Variants in MMP1 observed in about 807,000 individuals in gnomAD.
MMP1 encodes interstitial collagenase.
Under a neutral mutation model 49.6 loss-of-function variants are expected in MMP1, and 51 were observed. The observed-to-expected ratio is 1.03, with a 90% CI of 0.82 to 1.30. The LOEUF (loss-of-function observed/expected upper bound fraction) is 1.30. MMP1 is among the 50% of genes most tolerant of loss of function. MMP1 has a pLI of 0.00. For synonymous variants in MMP1, 230 were observed against 196.8 expected (o/e 1.17, Z -1.41); for missense variants, 623 against 568.7 (o/e 1.10, Z -0.97).
intron 6 of MMP1, 97 bp downstream of exon 6, chr11:102,795,077 C>T: frequency 2.0e-6 from 2 of 985,962 alleles, no homozygotes; most frequent in East Asian, 2.4e-5. Flanking sequence ...TGTAAATCAG[C>T]ATGAAATAAG....
chr11:102,793,060 A>T (rs1858079318), intron 6 of MMP1: 1 of 168,700 alleles, frequency 5.9e-6, no homozygotes, highest in Admixed American at 6.3e-5. Context: ...TATTATTTTT[A>T]TTACCTTTTA....
intron 7 of MMP1, 35 bp from the exon 8 acceptor site, chr11:102,791,530 T>A: frequency 6.2e-7 from 1 of 1,608,230 alleles, no homozygotes; most frequent in Non-Finnish European, 8.5e-7. Flanking sequence ...AACACTTGCC[T>A]AAGACTTCAA....
chr11:102,796,784 G>A lies in MMP1; in HGVS notation c.505C>T (p.Arg169Trp), dbSNP rs200717412. The change falls in exon 4 of 10, where the codon CGG becomes TGG. Residue 169 changes from arginine to tryptophan, a missense_variant. Arg to Trp is a moderately radical substitution (Grantham distance 101). Transcript: ENST00000315274. ...IMISFVRGDH[R>W]DNSPFDGPGG... ...GGTCCATCAAAAGGAGAGTTGTCCCGATGATCTGAAAGAAACAATTCAACA... is the reference window on the plus strand; with the variant it reads ...GGTCCATCAAAAGGAGAGTTGTCCCAATGATCTGAAAGAAACAATTCAACA... 5.0e-5 allele frequency: 81 copies of A among 1,612,544 alleles called. No homozygotes were observed. The highest frequency in any genetic ancestry group is 9.9e-5 in the South Asian group (9 of 90,552).
In MMP1 at chr11:102,794,007, T is replaced by C. The variant is rs1181756123; in HGVS notation, c.899+1167A>G. Among the ~76,000 whole-genome samples, 2 of 152,236 alleles carry C rather than the reference T, an allele frequency of 1.3e-5. No homozygotes were observed. The highest frequency in any genetic ancestry group is 1.5e-5 in the Non-Finnish European group (1 of 68,046). ...CCTCGACATGGCGACATTTAAATGA[T>C]CTCTGTGTCCTTTCAATTCTGGCAA... is the stretch of plus-strand genomic sequence containing the variant. On this transcript the variant is annotated intron_variant, in intron 6 of 9. Coordinates refer to ENST00000315274, the MANE Select transcript of MMP1 (RefSeq NM_002421.4). This position sits in a 1 kb window ranked among gnomAD's most constrained non-coding sequence, Gnocchi z 4.3.
chr11:102,793,889 G>A (rs1352777691), intron 6 of MMP1, among the ~76,000 whole-genome samples: 2 of 152,174 alleles, frequency 1.3e-5, no homozygotes, highest in Non-Finnish European at 2.9e-5. Context: ...CTTGGCTGTC[G>A]GAAACCTGAC....
In MMP1 at chr11:102,790,784, T is replaced by G. The variant is rs201622381; in HGVS notation, c.1219A>C (p.Met407Leu). ...YWRYDEYKRS[M>L]DPGYPKMIAH... ...ATCATTTTGGGATAACCTGGATCCATAGATCGTTTATATTCATCATACCTG... is the reference window on the plus strand; with the variant it reads ...ATCATTTTGGGATAACCTGGATCCAGAGATCGTTTATATTCATCATACCTG... The change falls in exon 9 of 10, where the codon ATG becomes CTG. Residue 407 changes from methionine to leucine, a missense_variant. By Grantham distance (15) the Met-to-Leu change is conservative. Coordinates refer to ENST00000315274, the MANE Select transcript of MMP1 (RefSeq NM_002421.4). 1.9e-6 allele frequency: 3 copies of G among 1,611,094 alleles called. No individual in the cohort carries two copies. In the South Asian group the frequency reaches 3.3e-5, roughly 18 times the overall value.
At position 102,795,469 on chromosome 11, in the gene MMP1, C is replaced by T. The variant is rs750841955; in HGVS notation, c.764G>A (p.Gly255Asp). The T allele has an allele frequency of 2.5e-5, 40 of 1,613,562 alleles. No individual in the cohort carries two copies. Among genetic ancestry groups the T allele is most frequent in the Admixed American group, 1.8e-4 (11 of 59,870 alleles). Reference protein sequence around the residue: ...DVQLAQDDIDGIQAIYGRSQN... With the variant: ...DVQLAQDDIDDIQAIYGRSQN... ...ATACTCACCATATATGGCTTGGATG[C>T]CATCAATGTCATCCTGAGCTAGCTG... The change falls in exon 5 of 10, where the codon GGC becomes GAC. Residue 255 changes from glycine to aspartate, a missense_variant. Coordinates refer to ENST00000315274, the MANE Select transcript of MMP1 (RefSeq NM_002421.4).
chr11:102,793,707 G>A (rs909969886), intron 6 of MMP1, among the ~76,000 whole-genome samples: 9 of 152,214 alleles, frequency 5.9e-5, no homozygotes, highest in Non-Finnish European at 1.0e-4. Context: ...GGCTAAGGTT[G>A]ATTTTTAAAC....
At chr11:102,797,559 T>G in intron 1 of MMP1, 59 bp from the exon 2 acceptor site, 1 of 1,594,440 alleles carries the variant, frequency 6.3e-7, no homozygotes, top group Non-Finnish European at 8.5e-7. Flanking sequence ...ATTCTAAAAA[T>G]TGATGGCATT....
At position 102,794,580 on chromosome 11, in the gene MMP1, G is replaced by A. The variant is rs1256904811; in HGVS notation, c.899+594C>T. Among the ~76,000 whole-genome samples the A allele has an allele frequency of 6.6e-6, 1 of 152,170 alleles. No homozygotes were observed. Among genetic ancestry groups the A allele is most frequent in the Non-Finnish European group, 1.5e-5 (1 of 68,030 alleles). On this transcript the variant is annotated intron_variant, in intron 6 of 9. Transcript: ENST00000315274. This position sits in a 1 kb window ranked among gnomAD's most constrained non-coding sequence, Gnocchi z 4.3. Reference sequence around the variant, plus strand: ...ATCTGTCCCAGGAGGGATTTCATCAGTTCTTGGGGACTTTCCCAGCATTGG... The same window carrying A: ...ATCTGTCCCAGGAGGGATTTCATCAATTCTTGGGGACTTTCCCAGCATTGG...
At chr11:102,797,935 GA>G (rs1858249225) in intron 1 of MMP1, 52 bp downstream of exon 1, 4 of 1,385,218 alleles carry the variant, frequency 2.9e-6, no homozygotes, top group Non-Finnish European at 4.0e-6. Flanking sequence ...CATTACTGCA[GA>G]AAAATACAAA....
Position 102,798,039 on chromosome 11 carries a change from G to A in MMP1, c.54C>T (p.His18=). 1 of 1,613,530 alleles carries A rather than the reference G, an allele frequency of 6.2e-7. No homozygotes were observed. Among genetic ancestry groups the A allele is most frequent in the Non-Finnish European group, 8.5e-7 (1 of 1,179,944 alleles). The change falls in exon 1 of 10, where the codon CAC becomes CAT. Residue 18 remains histidine (H), a synonymous_variant. Transcript: ENST00000315274. ...GTGTTTCTAGAGTCGCTGGGAAGCT[G>A]TGAGACACCACACCCCAGAACAGCA... is the stretch of plus-strand genomic sequence containing the variant. ...LLLLFWGVVS[H]SFPATLETQE... is the part of the protein sequence containing the mutation.
At position 102,790,706 on chromosome 11, in the gene MMP1, C is replaced by T. The variant is rs369712925; in HGVS notation, c.1297G>A (p.Asp433Asn). 2.5e-6 allele frequency: 4 copies of T among 1,602,340 alleles called. No individual in the cohort carries two copies. Among genetic ancestry groups the T allele is most frequent in the African/African-American group, 1.3e-5 (1 of 74,662 alleles). ...GHKVDAVFMK[D>N]GFFYFFHGTR... is the part of the protein sequence containing the mutation. ...AAATACATGTATATTCACTTACCATCTTTCATGAAAACTGCATCAACTTTG... is the reference window on the plus strand; with the variant it reads ...AAATACATGTATATTCACTTACCATTTTTCATGAAAACTGCATCAACTTTG... The change falls in exon 9 of 10, where the codon GAT becomes AAT. Residue 433 changes from aspartate to asparagine, a missense_variant. Transcript: ENST00000315274.
At chr11:102,790,579 T>C in intron 9 of MMP1, 58 bp from the exon 10 acceptor site, 4 of 1,373,550 alleles carry the variant, frequency 2.9e-6, no homozygotes, top group Non-Finnish European at 4.1e-6. Context: ...AGGTTTAACT[T>C]GAATTCTTGA....
At position 102,797,960 on chromosome 11, in the gene MMP1, T is replaced by C. The variant is rs373359556; in HGVS notation, c.105+28A>G. On this transcript the variant is annotated intron_variant, in intron 1 of 9. Transcript: ENST00000315274. ...GAAAAATACAAACTAAAAATTTACA[T>C]TATTGTCACATGCAATGCAGCATTT... 3.0e-5 allele frequency: 45 copies of C among 1,494,742 alleles called. No individual in the cohort carries two copies. The African/African-American group carries it at 5.7e-4, about 19-fold the overall frequency. 92.6% of individuals were successfully genotyped at this position (1,494,742 alleles called of 1,614,324 possible). A position where few individuals can be genotyped will look rare whatever the true frequency, so the allele number is the denominator to read the frequency against.
Position 102,795,025 on chromosome 11 carries a change from A to G in MMP1, c.899+149T>C, listed in dbSNP as rs138965992. On this transcript the variant is annotated intron_variant, in intron 6 of 9. Coordinates refer to ENST00000315274, the MANE Select transcript of MMP1 (RefSeq NM_002421.4). ...AAAACAAAGTTGTTACAAGTACATT[A>G]TGTTGCACAAATGCATGTGGTTGCT... 9.2e-4 allele frequency: 645 copies of G among 703,446 alleles called. 1 individual carries two copies. In the African/African-American group the frequency reaches 0.01, roughly 11 times the overall value. 43.6% of individuals were successfully genotyped at this position (703,446 alleles called of 1,614,324 possible). A position where few individuals can be genotyped will look rare whatever the true frequency, so the allele number is the denominator to read the frequency against.
intron 2 of MMP1, 33 bp from the exon 3 acceptor site, chr11:102,797,195 C>T (rs765184799): frequency 1.9e-6 from 3 of 1,613,474 alleles, no homozygotes; most frequent in Non-Finnish European, 2.5e-6. Flanking sequence ...ACACATTGGA[C>T]ATGACTTCTT....
At position 102,798,118 on chromosome 11, in the gene MMP1, GC is replaced by G. The variant is rs1193842046; in HGVS notation, c.-27del. ...ACTGGCCTTTGTCTTCTTTCTCAGT[GC>G]AAGGTAAGTGATGGCTTCCCAGCCT... On this transcript the variant is annotated 5_prime_UTR_variant, in exon 1 of 10. Coordinates refer to ENST00000315274, the MANE Select transcript of MMP1 (RefSeq NM_002421.4). 5 of 1,582,344 alleles carry G rather than the reference GC, an allele frequency of 3.2e-6. No individual in the cohort carries two copies. Among genetic ancestry groups the G allele is most frequent in the Non-Finnish European group, 4.3e-6 (5 of 1,164,748 alleles).
At position 102,795,260 on chromosome 11, in the gene MMP1, G is replaced by A. The variant is rs1361555349; in HGVS notation, c.813C>T (p.Gly271=). 1 of 1,614,074 alleles carries A rather than the reference G, an allele frequency of 6.2e-7. No individual in the cohort carries two copies. Among genetic ancestry groups the A allele is most frequent in the Non-Finnish European group, 8.5e-7 (1 of 1,179,998 alleles). ...TGTCACACGCTTTTGGGGTTTGTGG[G>A]CCGATGGGCTGGACAGGATTTTGGG... ...GRSQNPVQPI[G]PQTPKACDSK... is the part of the protein sequence containing the mutation. The change falls in exon 6 of 10, where the codon GGC becomes GGT. Residue 271 remains glycine (G), a synonymous_variant. Transcript: ENST00000315274.
Sources: gnomAD v4.1 joint callset for allele counts (sites outside exome capture counted in the v4.1 genomes callset) on GRCh38, gnomAD v4.1.1 for gene constraint, Gnocchi (gnomAD v3.1) non-coding constraint, MANE v1.5 for transcripts, NCBI Gene and HGNC (gene_info 2026-07-23, HGNC 2026-07-21) for gene names.